LARP4B: variants seen among roughly 807,000 people sequenced by gnomAD.
LARP4B encodes the protein La ribonucleoprotein 4B.
Under a neutral mutation model 89.8 loss-of-function variants are expected in LARP4B, and 12 were observed. That is an observed-to-expected ratio of 0.13 (90% CI 0.09 to 0.22). The LOEUF (loss-of-function observed/expected upper bound fraction) is 0.22, where lower values mean the gene tolerates loss of function less well. Ranked by LOEUF, LARP4B falls within the 10% of genes least tolerant of loss-of-function variation. The pLI is 1.00. For missense variants in LARP4B, 757 were observed against 947.7 expected (o/e 0.80, Z 2.64); for synonymous variants, 367 against 363.3 (o/e 1.01, Z -0.12).
At chr10:909,083 A>G (rs1165049535) in intron 1 of LARP4B, among the ~76,000 whole-genome samples, 2 of 151,988 alleles carry the variant, frequency 1.3e-5, no homozygotes, top group Non-Finnish European at 2.9e-5. Flanking sequence ...TCACAAGGTC[A>G]GGAGATCAAG....
At chr10:836,310 C>A (rs1015752942) in intron 8 of LARP4B, 93 bp downstream of exon 8, 3 of 849,898 alleles carry the variant, frequency 3.5e-6, no homozygotes, top group Non-Finnish European at 5.7e-6. Flanking sequence ...AAAAAACACA[C>A]AGCCCAAAAA....
Position 812,733 on chromosome 10 carries a change from T to G in LARP4B, c.*193A>C, listed in dbSNP as rs765854340. 4.9e-6 allele frequency: 2 copies of G among 411,910 alleles called. No individual in the cohort carries two copies. The highest frequency in any genetic ancestry group is 4.2e-6 in the Non-Finnish European group (1 of 238,398). The allele number at this position is 411,910 out of a possible 1,614,324, so 25.5% of individuals were successfully genotyped here. Reference sequence around the variant, plus strand: ...CACCAACCTAAAATAAGGTTTGTATTAATTAAATCCTGAAAAATCGATTTT... The same window carrying G: ...CACCAACCTAAAATAAGGTTTGTATGAATTAAATCCTGAAAAATCGATTTT... On this transcript the variant is annotated 3_prime_UTR_variant, in exon 18 of 18. Transcript: ENST00000316157.
chr10:971,754 T>G, the LARP4B span: 1 of 152,284 alleles, frequency 6.6e-6, no homozygotes, highest in Non-Finnish European at 1.5e-5. Flanking sequence ...TGTAGCCACA[T>G]GAGTCTATTT....
Position 814,622 on chromosome 10 carries a change from C to T in LARP4B, c.1929+120G>A, listed in dbSNP as rs1183150861. On this transcript the variant is annotated intron_variant, in intron 17 of 17. Coordinates refer to ENST00000316157, the MANE Select transcript of LARP4B (RefSeq NM_015155.3). The surrounding 1 kb of genome is among the most constrained non-coding windows in gnomAD (Gnocchi z 4.4). ...ACAGAAAACACAACACAGACAGACG[C>T]AAATAAAAACCCACCAAATTAGATG... 1 of 1,548,718 alleles carries T rather than the reference C, an allele frequency of 6.5e-7. No individual in the cohort carries two copies. The highest frequency in any genetic ancestry group is 1.2e-5 in the South Asian group (1 of 83,250).
intron 1 of LARP4B, among the ~76,000 whole-genome samples, chr10:927,939 G>A (rs1454579763): frequency 2.6e-5 from 4 of 152,120 alleles, no homozygotes; most frequent in Non-Finnish European, 4.4e-5. Flanking sequence ...GGCCAGGTAC[G>A]CCGTGGCTCA....
intron 1 of LARP4B, among the ~76,000 whole-genome samples, chr10:921,983 G>A (rs1370386195): frequency 6.6e-6 from 1 of 152,120 alleles, no homozygotes; most frequent in African/African-American, 2.4e-5. Flanking sequence ...TTTTCACAAT[G>A]GTCAGTACTC....
At chr10:959,393 A>ATCAATCCATCTCCCCG in the LARP4B span, among the ~76,000 whole-genome samples, 1 of 82,396 alleles carries the variant, frequency 1.2e-5, no homozygotes, top group African/African-American at 4.5e-5. Context: ...CCACCTCCTC[A>ATCAATCCATCTCCCCG]TCAATCCACC....
chr10:824,529 C>T (rs1180719268), intron 13 of LARP4B, among the ~76,000 whole-genome samples: 1 of 151,948 alleles, frequency 6.6e-6, no homozygotes, highest in Non-Finnish European at 1.5e-5. Context: ...AAACAAAAAC[C>T]TACTACAGGA....
intron 1 of LARP4B, among the ~76,000 whole-genome samples, chr10:931,012 C>T (rs1295440633): frequency 6.6e-6 from 1 of 150,516 alleles, no homozygotes; most frequent in Non-Finnish European, 1.5e-5. Context: ...CCGGCCTTCG[C>T]CCAACCCCGG....
intron 3 of LARP4B, among the ~76,000 whole-genome samples, chr10:874,760 T>C (rs1835390661): frequency 6.6e-6 from 1 of 152,190 alleles, no homozygotes; most frequent in African/African-American, 2.4e-5. Context: ...ATTTTTATGA[T>C]AAAAAGTTTA....
intron 6 of LARP4B, among the ~76,000 whole-genome samples, chr10:844,130 G>A (rs774449655): frequency 3.2e-4 from 48 of 152,238 alleles, no homozygotes; most frequent in Non-Finnish European, 3.4e-4. Flanking sequence ...CCATGCAGGA[G>A]GAGGCCCTGC....
the LARP4B span, chr10:973,043 C>A: frequency 2.7e-6 from 1 of 374,110 alleles, no homozygotes; most frequent in South Asian, 2.0e-5. Flanking sequence ...AGTCGAGGGG[C>A]AAGCACCCAC....
At chr10:859,362 A>G (rs1834473856) in intron 5 of LARP4B, among the ~76,000 whole-genome samples, 1 of 152,154 alleles carries the variant, frequency 6.6e-6, no homozygotes, top group South Asian at 2.1e-4. Flanking sequence ...TGGGAATGTA[A>G]AATACTATGG....
intron 13 of LARP4B, among the ~76,000 whole-genome samples, chr10:821,669 A>G (rs1353577069): frequency 1.3e-5 from 2 of 152,244 alleles, no homozygotes; most frequent in African/African-American, 2.4e-5. Flanking sequence ...GAGTTAAGAA[A>G]TAGTCTTGAC....
Position 814,878 on chromosome 10 carries a change from T to A in LARP4B, c.1821-28A>T. On this transcript the variant is annotated intron_variant, in intron 16 of 17. Coordinates refer to ENST00000316157, the MANE Select transcript of LARP4B (RefSeq NM_015155.3). This position sits in a 1 kb window ranked among gnomAD's most constrained non-coding sequence, Gnocchi z 4.4. ...GTAAAAATGCCACCCGATATTTGAATCTCATGCAACATCACAGGCCATTCA... is the reference window on the plus strand; with the variant it reads ...GTAAAAATGCCACCCGATATTTGAAACTCATGCAACATCACAGGCCATTCA... 2 of 1,580,900 alleles carry A rather than the reference T, an allele frequency of 1.3e-6. No individual in the cohort carries two copies. The highest frequency in any genetic ancestry group is 1.7e-6 in the Non-Finnish European group (2 of 1,158,200).
In LARP4B at chr10:814,590, ATT is replaced by A; in HGVS notation, c.1929+150_1929+151del. 1 of 1,509,242 alleles carries A rather than the reference ATT, an allele frequency of 6.6e-7. No individual in the cohort carries two copies. Among genetic ancestry groups the A allele is most frequent in the African/African-American group, 1.4e-5 (1 of 72,268 alleles). The allele number at this position is 1,509,242 out of a possible 1,614,324, so 93.5% of individuals were successfully genotyped here. A position where few individuals can be genotyped will look rare whatever the true frequency, so the allele number is the denominator to read the frequency against. ...AAAATTATTAGCAAATATTAAAGGT[ATT>A]TTGTACAGAAAACACAACACAGACA... is the stretch of plus-strand genomic sequence containing the variant. On this transcript the variant is annotated intron_variant, in intron 17 of 17. Transcript: ENST00000316157. This position sits in a 1 kb window ranked among gnomAD's most constrained non-coding sequence, Gnocchi z 4.4.
At chr10:979,240 A>C in the LARP4B span, among the ~76,000 whole-genome samples, 2 of 152,020 alleles carry the variant, frequency 1.3e-5, no homozygotes, top group East Asian at 3.9e-4. Flanking sequence ...TCTCAATCCT[A>C]CCGGTCTTCT....
At chr10:866,911 AGGGTGGCAGTCACCAT>A (rs1258499982) in intron 3 of LARP4B, among the ~76,000 whole-genome samples, 1 of 152,228 alleles carries the variant, frequency 6.6e-6, no homozygotes, top group African/African-American at 2.4e-5. Flanking sequence ...CTCCTATTCC[AGGGTGGCAGTCACCAT>A]GGGCATTTTC....
chr10:833,147 AG>A (rs1832994743), intron 8 of LARP4B, among the ~76,000 whole-genome samples: 2 of 150,498 alleles, frequency 1.3e-5, no homozygotes, highest in South Asian at 4.2e-4. Context: ...CCCTAAAGAA[AG>A]GGGGTCCAAT....
Sources: allele counts gnomAD v4.1 joint callset (sites outside exome capture counted in the v4.1 genomes callset), GRCh38; gene constraint gnomAD v4.1.1; non-coding constraint Gnocchi (gnomAD v3.1); transcripts MANE v1.5; gene names NCBI Gene and HGNC (gene_info 2026-07-23, HGNC 2026-07-21).